The following BUB1 variants were observed in gnomAD, a reference collection of about 807,000 sequenced individuals.
BUB1 encodes the protein BUB1 mitotic checkpoint serine/threonine kinase.
A neutral mutation model predicts 135.2 loss-of-function variants in BUB1; 84 were observed. The ratio of observed to expected loss-of-function variants is 0.62; its 90% CI spans 0.52 to 0.74. The LOEUF is 0.74. Among genes scored for constraint, BUB1 ranks in the 30% least tolerant of loss-of-function variants. The pLI is 0.00. For missense variants in BUB1, 1,162 were observed against 1,288.3 expected, an observed-to-expected ratio of 0.90 and a Z score of 1.50; for synonymous variants, 403 against 434.4, an observed-to-expected ratio of 0.93 and a Z score of 0.90.
chr2:110,669,235 G>A (rs1388080180), intron 6 of BUB1, among the ~76,000 whole-genome samples: 1 of 152,180 alleles, frequency 6.6e-6, no homozygotes, highest in African/African-American at 2.4e-5. Flanking sequence ...CGTGTGGTGA[G>A]GGCCTCTGGG....
At chr2:110,657,232 T>C (rs540031286) in intron 14 of BUB1, 115 bp from the exon 15 acceptor site, 2 of 796,482 alleles carry the variant, frequency 2.5e-6, no homozygotes, top group African/African-American at 1.8e-5. Context: ...AATCTTTATA[T>C]AGATATTCCT....
intron 23 of BUB1, 84 bp downstream of exon 23, chr2:110,640,950 T>C: frequency 7.1e-7 from 1 of 1,417,368 alleles, no homozygotes; most frequent in Non-Finnish European, 9.4e-7. Flanking sequence ...CACCTCAAAC[T>C]ACCTAGATCC....
At chr2:110,672,945 C>G (rs1218470764) in intron 3 of BUB1, 88 bp from the exon 4 acceptor site, 3 of 1,345,208 alleles carry the variant, frequency 2.2e-6, no homozygotes, top group Non-Finnish European at 3.0e-6. Flanking sequence ...GCTGGGAGCC[C>G]CTAGGTAGCT....
intron 16 of BUB1, 137 bp from the exon 17 acceptor site, chr2:110,653,660 GT>G: frequency 2.8e-6 from 2 of 718,436 alleles, no homozygotes; most frequent in South Asian, 4.0e-5. Context: ...GTGTTCCATT[GT>G]AAAATGTATA....
chr2:110,670,642 T>C, intron 4 of BUB1, 74 bp from the exon 5 acceptor site: 1 of 1,444,022 alleles, frequency 6.9e-7, no homozygotes, highest in Non-Finnish European at 9.7e-7. Context: ...GAAAACTAAA[T>C]ACCATAGACA....
chr2:110,650,786 T>C lies in BUB1; in HGVS notation c.1965-2A>G, dbSNP rs1416986612. 1 of 1,611,674 alleles carries C rather than the reference T, an allele frequency of 6.2e-7. No homozygotes were observed. Among genetic ancestry groups the C allele is most frequent in the Non-Finnish European group, 8.5e-7 (1 of 1,177,950 alleles). On this transcript the variant is annotated splice_acceptor_variant, in intron 17 of 24. Transcript: ENST00000302759. LOFTEE classifies it high-confidence loss of function. ...TTTGGGCTTTTCTCTTGAATTGGAC[T>C]GGACGTGTGAAAGGAATAAAGAAAC...
At chr2:110,657,312 A>G (rs1178772850) in intron 14 of BUB1, among the ~76,000 whole-genome samples, 195 bp from the exon 15 acceptor site, 1 of 152,176 alleles carries the variant, frequency 6.6e-6, no homozygotes, top group Non-Finnish European at 1.5e-5. Flanking sequence ...TAGACCTATC[A>G]TTACTTGAGG....
chr2:110,676,110 A>C (rs1690574831), intron 1 of BUB1, among the ~76,000 whole-genome samples: 2 of 152,196 alleles, frequency 1.3e-5, no homozygotes, highest in East Asian at 3.8e-4. Flanking sequence ...AAACAAAAAA[A>C]CCACAAAATA....
Position 110,641,741 on chromosome 2 carries a change from C to T in BUB1, c.2526G>A (p.Lys842=). 6.2e-7 allele frequency: 1 copy of T among 1,611,592 alleles called. No individual in the cohort carries two copies. The highest frequency in any genetic ancestry group is 8.5e-7 in the Non-Finnish European group (1 of 1,179,986). Residue 842 remains lysine, a synonymous_variant, in exon 21 of 25, where the codon AAG becomes AAA. Transcript: ENST00000302759. ...TCATAAACATGTGCTGCATAGATGGCTTTAGTCTTTCCATCAACTGGGTCC... is the reference window on the plus strand; with the variant it reads ...TCATAAACATGTGCTGCATAGATGGTTTTAGTCTTTCCATCAACTGGGTCC... ...YIGTQLMERL[K]PSMQHMFMKF... is the part of the protein sequence containing the mutation.
chr2:110,655,972 A>G (rs1174210800), intron 15 of BUB1, 56 bp from the exon 16 acceptor site: 2 of 1,502,678 alleles, frequency 1.3e-6, no homozygotes, highest in African/African-American at 2.8e-5. Flanking sequence ...TAGTCCATGA[A>G]ACCTTATTCA....
rs747820995 is a variant in BUB1 at position 110,674,107 on chromosome 2, G to A, written c.204C>T (p.Phe68=). 1.3e-6 allele frequency: 2 copies of A among 1,533,170 alleles called. No homozygotes were observed. Among genetic ancestry groups the A allele is most frequent in the Admixed American group, 1.7e-5 (1 of 58,382 alleles). The allele number at this position is 1,533,170 out of a possible 1,614,324, so 95.0% of individuals were successfully genotyped here. ...DKKKYHNDPR[F]ISYCLKFAEY... Reference sequence around the variant, plus strand: ...TTACAAATTTTAAACAATAACTGATGAATCTTGGGTCATTGTGGTATTTCT... The same window carrying A: ...TTACAAATTTTAAACAATAACTGATAAATCTTGGGTCATTGTGGTATTTCT... The change falls in exon 3 of 25, where the codon TTC becomes TTT. Residue 68 remains phenylalanine, a synonymous_variant. Transcript: ENST00000302759.
intron 23 of BUB1, 91 bp from the exon 24 acceptor site, chr2:110,639,939 TACTC>T (rs1559162562): frequency 9.6e-7 from 1 of 1,045,822 alleles, no homozygotes. Flanking sequence ...GCAAGTTAAA[TACTC>T]ACAGGATTTT....
intron 9 of BUB1, among the ~76,000 whole-genome samples, chr2:110,665,317 C>A (rs927649367): frequency 1.4e-4 from 21 of 152,126 alleles, no homozygotes; most frequent in South Asian, 2.1e-4. Flanking sequence ...GTGGCTCACA[C>A]CTGTAATCAC....
intron 1 of BUB1, among the ~76,000 whole-genome samples, chr2:110,676,924 TA>T (rs201081695): frequency 3.3e-4 from 50 of 151,838 alleles, no homozygotes; most frequent in African/African-American, 1.1e-3. Flanking sequence ...TTTTTAAAAC[TA>T]AAAAAAATAA....
chr2:110,653,731 A>C (rs1314725240), intron 16 of BUB1, among the ~76,000 whole-genome samples: 1 of 152,218 alleles, frequency 6.6e-6, no homozygotes, highest in Non-Finnish European at 1.5e-5. Flanking sequence ...CTGGCCAGGC[A>C]CAGTGGCTCA....
intron 19 of BUB1, among the ~76,000 whole-genome samples, chr2:110,647,012 T>C (rs960918734): frequency 5.9e-5 from 9 of 152,196 alleles, no homozygotes; most frequent in Non-Finnish European, 1.0e-4. Flanking sequence ...TGAACAGTCC[T>C]ATATCTGTTA....
Position 110,672,698 on chromosome 2 carries a change from G to T in BUB1, c.385C>A (p.Gln129Lys). 3 of 1,608,186 alleles carry T rather than the reference G, an allele frequency of 1.9e-6. No homozygotes were observed. Among genetic ancestry groups the T allele is most frequent in the Non-Finnish European group, 2.5e-6 (3 of 1,178,058 alleles). The stretch of plus-strand genomic sequence containing the variant: ...TGCAGGAACTCTCTGGGTTCAGCCT[G>T]GTTTTGAATTCCTCTCTGAAGGACA... ...SAVLQRGIQNQAEPREFLQQQ... is the reference protein window; with the variant it reads ...SAVLQRGIQNKAEPREFLQQQ... The change falls in exon 4 of 25, where the codon CAG becomes AAG. Residue 129 changes from glutamine to lysine, a missense_variant. By Grantham distance (53) the Gln-to-Lys change is moderately conservative. Transcript: ENST00000302759.
rs765527071 is a variant in BUB1 at position 110,658,447 on chromosome 2, T to C, written c.1479A>G (p.Leu493=). 6.2e-7 allele frequency: 1 copy of C among 1,614,024 alleles called. No homozygotes were observed. The highest frequency in any genetic ancestry group is 1.7e-5 in the Admixed American group (1 of 60,012). ...CTTCAAATGCATCTTCATTTTGATC[T>C]AGAGATTGCCATTCATCTTTGTCAT... ...ISDDKDEWQS[L]DQNEDAFEAQ... is the part of the protein sequence containing the mutation. The change falls in exon 13 of 25, where the codon CTA becomes CTG. Residue 493 remains leucine (L), a synonymous_variant. Coordinates refer to ENST00000302759, the MANE Select transcript of BUB1 (RefSeq NM_004336.5).
intron 15 of BUB1, 112 bp from the exon 16 acceptor site, chr2:110,656,028 A>G: frequency 9.7e-7 from 1 of 1,031,810 alleles, no homozygotes; most frequent in Non-Finnish European, 1.4e-6. Context: ...GAAGAAACAG[A>G]TGTCAACCCC....
Sources: gnomAD v4.1 joint callset for allele counts (sites outside exome capture counted in the v4.1 genomes callset) on GRCh38, gnomAD v4.1.1 for gene constraint, MANE v1.5 for transcripts, NCBI Gene and HGNC (gene_info 2026-07-23, HGNC 2026-07-21) for gene names.